Variants in DBN1 observed in about 807,000 individuals in gnomAD.
DBN1 encodes the protein drebrin 1, also known as drebrin.
A neutral mutation model predicts 83.5 loss-of-function variants in DBN1; 21 were observed. The observed-to-expected ratio is 0.25, with a 90% CI of 0.18 to 0.36. The LOEUF is 0.36. DBN1 is among the 10% of genes least tolerant of loss of function. DBN1 has a pLI of 1.00. For missense variants in DBN1, 874 were observed against 935.7 expected (o/e 0.93, Z 0.86); for synonymous variants, 381 against 384.9 (o/e 0.99, Z 0.12).
At chr5:177,461,584 A>C (rs1451862710) in intron 8 of DBN1, among the ~76,000 whole-genome samples, 1 of 152,040 alleles carries the variant, frequency 6.6e-6, no homozygotes, top group Non-Finnish European at 1.5e-5. Flanking sequence ...GCTCATCCCC[A>C]TATCTAAGCA....
chr5:177,471,620 G>C (rs757680997), intron 1 of DBN1, among the ~76,000 whole-genome samples: 9 of 152,204 alleles, frequency 5.9e-5, no homozygotes, highest in Non-Finnish European at 1.2e-4. Context: ...CTCTTGTGTA[G>C]AAAGTGATCC....
rs369597152 is a variant in DBN1 at position 177,458,608 on chromosome 5, G to A, written c.1364C>T (p.Ala455Val). 1.3e-5 allele frequency: 21 copies of A among 1,611,422 alleles called. No individual in the cohort carries two copies. Among genetic ancestry groups the A allele is most frequent in the African/African-American group, 1.1e-4 (8 of 74,872 alleles). ...AGGGCTGCCTGGCCCCCGGGGAGGCGCCTGTGCCTGAGGGGGCTCCTCCAT... is the reference window on the plus strand; with the variant it reads ...AGGGCTGCCTGGCCCCCGGGGAGGCACCTGTGCCTGAGGGGGCTCCTCCAT... ...GPMEEPPQAQ[A>V]PPRGPGSPAE... Residue 455 changes from alanine (A) to valine (V), a missense_variant, in exon 13 of 15, where the codon GCG becomes GTG. Physicochemically the swap from Ala to Val is moderately conservative, Grantham distance 64. Coordinates refer to ENST00000393565, the MANE Select transcript of DBN1 (RefSeq NM_001363541.2).
At chr5:177,459,047 A>G in intron 12 of DBN1, 51 bp downstream of exon 12, 6 of 1,544,190 alleles carry the variant, frequency 3.9e-6, no homozygotes, top group Non-Finnish European at 5.2e-6. Flanking sequence ...TGGGGCTCCC[A>G]GCCAGGGACT....
Position 177,457,516 on chromosome 5 carries a change from AAAGGGAGAGG to A in DBN1, c.2018-23_2018-14del. On this transcript the variant is annotated splice_polypyrimidine_tract_variant and intron_variant, in intron 14 of 14. Transcript: ENST00000393565. ...GTGATGTCGATCTCTGTGGCGTTAGAAAGGGAGAGGAGTTAGGGACCTAGCAGACCGCTTG... is the reference window on the plus strand; with the variant it reads ...GTGATGTCGATCTCTGTGGCGTTAGAAGTTAGGGACCTAGCAGACCGCTTG... 6.2e-7 allele frequency: 1 copy of A among 1,613,550 alleles called. No individual in the cohort carries two copies. The highest frequency in any genetic ancestry group is 8.5e-7 in the Non-Finnish European group (1 of 1,179,468).
chr5:177,459,127 G>C lies in DBN1; in HGVS notation c.1235C>G (p.Pro412Arg), dbSNP rs758849423. The C allele has an allele frequency of 8.1e-6, 13 of 1,610,660 alleles. No homozygotes were observed. The highest frequency in any genetic ancestry group is 1.1e-5 in the Non-Finnish European group (13 of 1,178,588). The change falls in exon 12 of 15, where the codon CCA becomes CGA. Residue 412 changes from proline (P) to arginine (R), a missense_variant. Around this residue, in one of 4 missense-constraint regions of DBN1, gnomAD observed 725 missense variants for 719.7 expected, o/e 1.01. Transcript: ENST00000393565. The stretch of plus-strand genomic sequence containing the variant: ...GGCTGGTGGGGGTGGCGGTGGCAGT[G>C]GTGGAGGCTGCGAGGAGGTGACCTC... Reference protein sequence around the residue: ...LDEVTSSQPPPLPPPPPPAQE... With the variant: ...LDEVTSSQPPRLPPPPPPAQE...
Position 177,471,809 on chromosome 5 carries a change from C to T in DBN1, c.86+1627G>A, listed in dbSNP as rs543075110. Among the ~76,000 whole-genome samples, 49 of 152,112 alleles carry T rather than the reference C, an allele frequency of 3.2e-4. No homozygotes were observed. In the South Asian group the frequency reaches 1.0e-2, roughly 31 times the overall value. On this transcript the variant is annotated intron_variant, in intron 1 of 14. Transcript: ENST00000393565. The stretch of plus-strand genomic sequence containing the variant: ...GCTGCTGGGGTGGGTGGGGGCAGGC[C>T]TGTGTTGAGCAGGATGTGGGGCAAC...
intron 12 of DBN1, among the ~76,000 whole-genome samples, 195 bp from the exon 13 acceptor site, chr5:177,458,902 G>A (rs1363677499): frequency 6.6e-6 from 1 of 152,202 alleles, no homozygotes. Context: ...TCCCACTTGA[G>A]AGGGCGGGTG....
intron 10 of DBN1, 69 bp downstream of exon 10, chr5:177,460,363 G>A: frequency 6.2e-7 from 1 of 1,605,432 alleles, no homozygotes; most frequent in Non-Finnish European, 8.5e-7. Flanking sequence ...CCTTCTGAGA[G>A]AGTCCCAGAG....
rs1374138757 is a variant in DBN1, at chr5:177,457,365, G to A, written c.*68C>T. 2 of 1,375,584 alleles carry A rather than the reference G, an allele frequency of 1.5e-6. No homozygotes were observed. The highest frequency in any genetic ancestry group is 2.1e-6 in the Non-Finnish European group (2 of 964,456). 85.2% of individuals were successfully genotyped at this position (1,375,584 alleles called of 1,614,324 possible). On this transcript the variant is annotated 3_prime_UTR_variant, in exon 15 of 15. Coordinates refer to ENST00000393565, the MANE Select transcript of DBN1 (RefSeq NM_001363541.2). ...AGCTGCTGCGAATGCAGGCACGGCG[G>A]GCCGTCTGGCCAGAGGCTGATGCAG...
chr5:177,462,370 C>A, intron 8 of DBN1: 2 of 985,586 alleles, frequency 2.0e-6, no homozygotes, highest in Non-Finnish European at 2.4e-6. Context: ...GCCAGGCCCT[C>A]TGGTTTCCAG....
At chr5:177,461,411 T>C (rs1488742766) in intron 8 of DBN1, among the ~76,000 whole-genome samples, 7 of 152,206 alleles carry the variant, frequency 4.6e-5, no homozygotes, top group Admixed American at 4.6e-4. Flanking sequence ...TCTGGCCTTC[T>C]TACAGCCCCC....
In DBN1 at chr5:177,459,704, C is replaced by T. The variant is rs757311221; in HGVS notation, c.992G>A (p.Ser331Asn). 1.9e-6 allele frequency: 3 copies of T among 1,583,416 alleles called. No individual in the cohort carries two copies. Among genetic ancestry groups the T allele is most frequent in the Non-Finnish European group, 2.6e-6 (3 of 1,165,760 alleles). The change falls in exon 11 of 15, where the codon AGT (serine) becomes AAT (asparagine). Residue 331 changes from serine to asparagine, a missense_variant. By Grantham distance (46) the Ser-to-Asn change is conservative. Coordinates refer to ENST00000393565, the MANE Select transcript of DBN1 (RefSeq NM_001363541.2). ...GGAAGAGGAGGAGGAGGAAGGCCCA[C>T]TGTCCGATGCCTTTATGAAAGGGCA... ...PYCPFIKASD[S>N]GPSSSSSSSS...
intron 2 of DBN1, 190 bp from the exon 3 acceptor site, chr5:177,468,410 GC>G: frequency 1.7e-6 from 1 of 600,556 alleles, no homozygotes; most frequent in Non-Finnish European, 3.0e-6. Flanking sequence ...ATGTAGCTTT[GC>G]CTGTGACTCC....
At chr5:177,462,504 T>G in intron 8 of DBN1, 2 of 702,874 alleles carry the variant, frequency 2.8e-6, no homozygotes, top group Non-Finnish European at 3.5e-6. Flanking sequence ...ACATCCTAAG[T>G]TCCTGTTTCC....
In DBN1 at chr5:177,473,555, CGCGGACGG is replaced by C. The variant is rs1179433999; in HGVS notation, c.-42_-35del. 7.9e-6 allele frequency: 10 copies of C among 1,265,646 alleles called. No individual in the cohort carries two copies. The African/African-American group carries it at 9.4e-5, about 12-fold the overall frequency. 78.4% of individuals were successfully genotyped at this position (1,265,646 alleles called of 1,614,324 possible). ...CCGGACCGGGCCGAACGGACAGACG[CGCGGACGG>C]ACGGGCGGACGGAGGAGGAGGGAGG... On this transcript the variant is annotated 5_prime_UTR_variant, in exon 1 of 15. Coordinates refer to ENST00000393565, the MANE Select transcript of DBN1 (RefSeq NM_001363541.2).
rs966889916 is a variant in DBN1 at position 177,467,943 on chromosome 5, G to A, written c.256-126C>T. 3 of 1,377,128 alleles carry A rather than the reference G, an allele frequency of 2.2e-6. No individual in the cohort carries two copies. The highest frequency in any genetic ancestry group is 3.1e-6 in the Non-Finnish European group (3 of 975,656). The allele number at this position is 1,377,128 out of a possible 1,614,324, so 85.3% of individuals were successfully genotyped here. A position where few individuals can be genotyped will look rare whatever the true frequency, so the allele number is the denominator to read the frequency against. ...TCCACGGGTGTCAGAGGGCCGACGG[G>A]GAGGGCGACTGCTCTGGGCCTTCAG... is the stretch of plus-strand genomic sequence containing the variant. On this transcript the variant is annotated intron_variant, in intron 3 of 14. Coordinates refer to ENST00000393565, the MANE Select transcript of DBN1 (RefSeq NM_001363541.2). This position sits in a 1 kb window ranked among gnomAD's most constrained non-coding sequence, Gnocchi z 9.1.
chr5:177,459,752 G>A lies in DBN1; in HGVS notation c.956-12C>T, dbSNP rs776290171. Reference sequence around the variant, plus strand: ...GCAGTACGGACGACCTGCCGAGAGAGACAGACAGAGAAAGAGACAGAGGAC... The same window carrying A: ...GCAGTACGGACGACCTGCCGAGAGAAACAGACAGAGAAAGAGACAGAGGAC... On this transcript the variant is annotated splice_polypyrimidine_tract_variant and intron_variant, in intron 10 of 14. Transcript: ENST00000393565. The A allele has an allele frequency of 1.5e-5, 22 of 1,479,652 alleles. No homozygotes were observed. The highest frequency in any genetic ancestry group is 1.9e-5 in the Non-Finnish European group (21 of 1,111,008). The allele number at this position is 1,479,652 out of a possible 1,614,324, so 91.7% of individuals were successfully genotyped here. A position where few individuals can be genotyped will look rare whatever the true frequency, so the allele number is the denominator to read the frequency against.
At position 177,458,301 on chromosome 5, in the gene DBN1, C is replaced by G. The variant is rs761506166; in HGVS notation, c.1671G>C (p.Leu557=). 6.2e-7 allele frequency: 1 copy of G among 1,613,432 alleles called. No individual in the cohort carries two copies. Among genetic ancestry groups the G allele is most frequent in the South Asian group, 1.1e-5 (1 of 91,062 alleles). The change falls in exon 13 of 15, where the codon CTG becomes CTC. Residue 557 remains leucine, a synonymous_variant. Coordinates refer to ENST00000393565, the MANE Select transcript of DBN1 (RefSeq NM_001363541.2). The stretch of plus-strand genomic sequence containing the variant: ...GTGGCTCCGGAGCCACCTCATCCAG[C>G]AGGGGCACCTCTGCCAGGGTGACCT... ...GTEVTLAEVP[L]LDEVAPEPLL...
In DBN1 at chr5:177,459,104, C is replaced by A; in HGVS notation, c.1258G>T (p.Ala420Ser). 6.2e-7 allele frequency: 1 copy of A among 1,607,126 alleles called. No homozygotes were observed. Among genetic ancestry groups the A allele is most frequent in the Non-Finnish European group, 8.5e-7 (1 of 1,176,898 alleles). Residue 420 changes from alanine to serine, a missense_variant, in exon 12 of 15, where the codon GCC becomes TCC. This residue lies in a region of DBN1 where 725 missense variants were observed against 719.7 expected (regional missense o/e 1.01). Transcript: ENST00000393565. ...PPPLPPPPPPAQETQEPSPIL... is the reference protein window; with the variant it reads ...PPPLPPPPPPSQETQEPSPIL... The stretch of plus-strand genomic sequence containing the variant: ...GGTAGCATCCCTCTCTCACCTTGGG[C>A]TGGTGGGGGTGGCGGTGGCAGTGGT...
Sources: allele counts gnomAD v4.1 joint callset (sites outside exome capture counted in the v4.1 genomes callset), GRCh38; gene constraint gnomAD v4.1.1; regional missense constraint gnomAD v4.1.1; non-coding constraint Gnocchi (gnomAD v3.1); transcripts MANE v1.5; gene names NCBI Gene and HGNC (gene_info 2026-07-23, HGNC 2026-07-21).